Variants in NAT10 observed in about 807,000 individuals in gnomAD.
NAT10 encodes the protein N-acetyltransferase 10.
NAT10 carries 109 observed loss-of-function variants against 132.2 expected under a neutral mutation model. The observed-to-expected ratio is 0.82, with a 90% CI of 0.71 to 0.97. NAT10 has a LOEUF of 0.97. Among genes scored for constraint, NAT10 ranks in the 50% least tolerant of loss-of-function variants. The pLI, the probability that NAT10 is intolerant of heterozygous loss-of-function variation, is 0.00. For synonymous variants in NAT10, 479 were observed against 478.0 expected (o/e 1.00, Z -0.03); for missense variants, 1,184 against 1,263.4 (o/e 0.94, Z 0.95).
chr11:34,139,343 G>T (rs1434712967), intron 22 of NAT10, 42 bp from the exon 23 acceptor site: 1 of 1,612,086 alleles, frequency 6.2e-7, no homozygotes, highest in Non-Finnish European at 8.5e-7. Flanking sequence ...GGCTGCCGGG[G>T]ATGCCTCCAG....
At chr11:34,116,512 A>C (rs921250076) in intron 6 of NAT10, among the ~76,000 whole-genome samples, 2 of 151,478 alleles carry the variant, frequency 1.3e-5, no homozygotes, top group African/African-American at 4.9e-5. Flanking sequence ...TTTGCCTCCC[A>C]GGTCGAGTGA....
In NAT10 at chr11:34,146,278, C is replaced by G. The variant is rs1983642; in HGVS notation, c.*86C>G. ...TCTCTGGCTGGACTGTTAAAAGCAA[C>G]GAGAGGCCCCGGCACACCTGGAAGC... On this transcript the variant is annotated 3_prime_UTR_variant, in exon 29 of 29. Coordinates refer to ENST00000257829, the MANE Select transcript of NAT10 (RefSeq NM_024662.3). 14,149 of 984,564 alleles carry G rather than the reference C, an allele frequency of 0.014. 143 individuals are homozygous for G. Among genetic ancestry groups the G allele is most frequent in the Non-Finnish European group, 0.017 (11,240 of 676,774 alleles). 61.0% of individuals were successfully genotyped at this position (984,564 alleles called of 1,614,324 possible).
chr11:34,115,679 C>G, intron 5 of NAT10, 144 bp from the exon 6 acceptor site: 1 of 639,550 alleles, frequency 1.6e-6, no homozygotes, highest in East Asian at 2.9e-5. Flanking sequence ...TCAGCAAATA[C>G]CATTTGGCAC....
chr11:34,136,180 C>G (rs972597049), intron 19 of NAT10, among the ~76,000 whole-genome samples: 2 of 151,582 alleles, frequency 1.3e-5, no homozygotes, highest in Non-Finnish European at 2.9e-5. Flanking sequence ...CTCCCAGGTT[C>G]AAGCAATTTT....
At chr11:34,112,994 G>T (rs560964584) in intron 4 of NAT10, among the ~76,000 whole-genome samples, 2 of 152,346 alleles carry the variant, frequency 1.3e-5, no homozygotes, top group South Asian at 4.1e-4. Flanking sequence ...CAAAATATGG[G>T]TTGTCTCCTA....
intron 27 of NAT10, 36 bp from the exon 28 acceptor site, chr11:34,143,409 T>C (rs1852376416): frequency 6.3e-7 from 1 of 1,576,718 alleles, no homozygotes; most frequent in Non-Finnish European, 8.7e-7. Context: ...CCCTCTTCTT[T>C]CTAGCAGGCT....
chr11:34,123,910 C>T (rs1851939441), intron 10 of NAT10, 55 bp downstream of exon 10: 22 of 1,407,516 alleles, frequency 1.6e-5, no homozygotes, highest in Non-Finnish European at 2.1e-5. Flanking sequence ...TGGCTCACGC[C>T]TGTAATCCCA....
chr11:34,130,846 G>A lies in NAT10; in HGVS notation c.1278G>A (p.Lys426=), dbSNP rs1307024805. 4.3e-6 allele frequency: 7 copies of A among 1,614,186 alleles called. No individual in the cohort carries two copies. The highest frequency in any genetic ancestry group is 5.1e-6 in the Non-Finnish European group (6 of 1,180,014). ...GCACTGGCCGGTCACTGTCCCTCAA[G>A]CTAATTCAGCAGCTCCGTCAACAGA... is the stretch of plus-strand genomic sequence containing the variant. ...YEGTGRSLSL[K]LIQQLRQQSA... is the part of the protein sequence containing the mutation. The change falls in exon 13 of 29, where the codon AAG becomes AAA. Residue 426 remains lysine, a synonymous_variant. Coordinates refer to ENST00000257829, the MANE Select transcript of NAT10 (RefSeq NM_024662.3).
At chr11:34,139,617 C>G (rs996558284) in intron 23 of NAT10, 122 bp downstream of exon 23, 12 of 804,778 alleles carry the variant, frequency 1.5e-5, no homozygotes, top group Middle Eastern at 3.3e-4. Flanking sequence ...TGCAGTCACT[C>G]GCTGGTCACC....
chr11:34,121,488 T>G (rs1467893817), intron 8 of NAT10, among the ~76,000 whole-genome samples: 1 of 152,098 alleles, frequency 6.6e-6, no homozygotes, highest in East Asian at 1.9e-4. Flanking sequence ...TTGGGGCAAC[T>G]TTAGGCGTTC....
chr11:34,141,966 G>A (rs1386952560), intron 26 of NAT10, 149 bp downstream of exon 26: 4 of 688,044 alleles, frequency 5.8e-6, no homozygotes, highest in Non-Finnish European at 9.9e-6. Flanking sequence ...TTGGACAAAC[G>A]GACCCAGCAT....
chr11:34,130,795 T>C lies in NAT10; in HGVS notation c.1245-18T>C, dbSNP rs1375036523. 4 of 1,612,970 alleles carry C rather than the reference T, an allele frequency of 2.5e-6. No individual in the cohort carries two copies. Among genetic ancestry groups the C allele is most frequent in the Middle Eastern group, 1.7e-4 (1 of 6,058 alleles). ...GATTTGGGACCTTGTGCCTGATTCC[T>C]TTTGCCTTTGTTTCTAGCTATGAGG... On this transcript the variant is annotated intron_variant, in intron 12 of 28. Coordinates refer to ENST00000257829, the MANE Select transcript of NAT10 (RefSeq NM_024662.3).
rs578182541 is a variant in NAT10, at chr11:34,115,759, T to G, written c.496-64T>G. On this transcript the variant is annotated intron_variant, in intron 5 of 28. Coordinates refer to ENST00000257829, the MANE Select transcript of NAT10 (RefSeq NM_024662.3). Reference sequence around the variant, plus strand: ...TGTCTCCTTGGATAGAGCTTTGTATTTGGACCCTGGTCCTCAGCACTGTTT... The same window carrying G: ...TGTCTCCTTGGATAGAGCTTTGTATGTGGACCCTGGTCCTCAGCACTGTTT... 2.7e-5 allele frequency: 42 copies of G among 1,550,260 alleles called. No individual in the cohort carries two copies. The African/African-American group carries it at 4.6e-4, about 17-fold the overall frequency.
In NAT10 at chr11:34,108,847, T is replaced by G. The variant is rs199505742; in HGVS notation, c.200+14T>G. Reference sequence around the variant, plus strand: ...GGGGTTTAGCAGGTAAGCTGGGCTCTTCATGTGTTTTATCCAACTTACAAT... The same window carrying G: ...GGGGTTTAGCAGGTAAGCTGGGCTCGTCATGTGTTTTATCCAACTTACAAT... On this transcript the variant is annotated intron_variant, in intron 3 of 28. Transcript: ENST00000257829. 5.9e-4 allele frequency: 950 copies of G among 1,598,268 alleles called. 3 individuals are homozygous for G. Among genetic ancestry groups the G allele is most frequent in the Non-Finnish European group, 7.0e-4 (819 of 1,173,778 alleles).
At chr11:34,142,234 C>A (rs1416908853) in intron 26 of NAT10, 41 bp from the exon 27 acceptor site, 1 of 1,593,468 alleles carries the variant, frequency 6.3e-7, no homozygotes, top group South Asian at 1.1e-5. Context: ...TGGTTCAATC[C>A]TTGACTCTGA....
Position 34,108,232 on chromosome 11 carries a change from C to CG in NAT10, c.9dup (p.Lys4GlufsTer5), listed in dbSNP as rs774168770. 1 of 1,613,010 alleles carries CG rather than the reference C, an allele frequency of 6.2e-7. No homozygotes were observed. The highest frequency in any genetic ancestry group is 8.5e-7 in the Non-Finnish European group (1 of 1,179,096). On this transcript the variant is annotated frameshift_variant, in exon 2 of 29. Transcript: ENST00000257829. LOFTEE classifies it high-confidence loss of function. Reference sequence around the variant, plus strand: ...TTAGTAATAATTTTTCACCATGCATCGGAAAAAGGTGGATAACCGAATCCG... The same window carrying CG: ...TTAGTAATAATTTTTCACCATGCATCGGGAAAAAGGTGGATAACCGAATCCG...
intron 2 of NAT10, 52 bp from the exon 3 acceptor site, chr11:34,108,690 G>T: frequency 6.6e-7 from 1 of 1,510,350 alleles, no homozygotes; most frequent in East Asian, 2.3e-5. Context: ...AAGCCTGGCG[G>T]TCTCTAAAGT....
At chr11:34,132,036 C>A in intron 14 of NAT10, 89 bp from the exon 15 acceptor site, 1 of 964,734 alleles carries the variant, frequency 1.0e-6, no homozygotes, top group Admixed American at 1.7e-5. Context: ...CTCCTGTTCC[C>A]AGCTACGGAA....
intron 28 of NAT10, 56 bp from the exon 29 acceptor site, chr11:34,146,028 C>A: frequency 7.9e-7 from 1 of 1,262,148 alleles, no homozygotes; most frequent in Non-Finnish European, 1.1e-6. Flanking sequence ...TTAAAGCAGT[C>A]TCAGATGTTC....
Sources: allele counts gnomAD v4.1 joint callset (sites outside exome capture counted in the v4.1 genomes callset), GRCh38; gene constraint gnomAD v4.1.1; transcripts MANE v1.5; gene names NCBI Gene and HGNC (gene_info 2026-07-23, HGNC 2026-07-21).